MGST1: variants seen among roughly 807,000 people sequenced by gnomAD.
MGST1 encodes the protein microsomal glutathione S-transferase 1.
MGST1 carries 5 observed loss-of-function variants against 8.9 expected under a neutral mutation model. The observed-to-expected ratio is 0.56, with a 90% CI of 0.29 to 1.19. MGST1 has a LOEUF of 1.19. Among genes scored for constraint, MGST1 ranks in the 50% most tolerant of loss-of-function variants. The pLI is 0.08. For missense variants in MGST1, 182 were observed against 187.4 expected, an observed-to-expected ratio of 0.97 and a Z score of 0.17; for synonymous variants, 54 against 67.8, an observed-to-expected ratio of 0.80 and a Z score of 1.00.
intron 3 of MGST1, chr12:16,360,470 T>C (rs539173370): frequency 7.9e-6 from 5 of 631,042 alleles, no homozygotes; most frequent in Non-Finnish European, 9.9e-6. Context: ...TACCAAGATA[T>C]GTGACTTAAA....
At chr12:16,527,858 C>T (rs545945433) in intron 4 of MGST1, among the ~76,000 whole-genome samples, 107 of 152,080 alleles carry the variant, frequency 7.0e-4, no homozygotes, top group Non-Finnish European at 4.3e-4. Flanking sequence ...GAGCAATCAG[C>T]GCATACGCCC....
intron 1 of MGST1, chr12:16,400,355 C>G: frequency 2.4e-6 from 2 of 817,152 alleles, no homozygotes; most frequent in Non-Finnish European, 4.4e-6. Flanking sequence ...TCTCCTCGAA[C>G]AGATATGAAG....
intron 4 of MGST1, among the ~76,000 whole-genome samples, chr12:16,536,712 G>A (rs911518915): frequency 6.6e-6 from 1 of 152,120 alleles, no homozygotes; most frequent in Admixed American, 6.5e-5. Flanking sequence ...AAGAGAAAAT[G>A]AGGAAGATGC....
chr12:16,489,926 T>C (rs928235223), intron 4 of MGST1, among the ~76,000 whole-genome samples: 18 of 152,202 alleles, frequency 1.2e-4, no homozygotes, highest in South Asian at 4.1e-4. Context: ...TGAGTTACTT[T>C]GGTCAAAAAA....
At chr12:16,516,846 A>G (rs1311443700) in intron 4 of MGST1, among the ~76,000 whole-genome samples, 1 of 152,184 alleles carries the variant, frequency 6.6e-6, no homozygotes, top group Non-Finnish European at 1.5e-5. Context: ...TGAGACACTC[A>G]AAGTCTGAGA....
rs530741353 is a variant in MGST1, at chr12:16,498,964, T to C, written n.483-90564T>C. On this transcript the variant is annotated intron_variant and non_coding_transcript_variant, in intron 4 of 4. Coordinates refer to the MGST1 transcript ENST00000538857. ...GGTTATACTAAGATACAAAGGGCCT[T>C]TAGAAAAATGATCAGAGTTGCAATA... 9.8e-5 allele frequency among the ~76,000 whole-genome samples: 15 copies of C among 152,310 alleles called. No homozygotes were observed. In the East Asian group the frequency reaches 2.9e-3, roughly 29 times the overall value.
rs963749837 is a variant in MGST1 at position 16,586,279 on chromosome 12, A to G, written n.483-3249A>G. 6.6e-6 allele frequency among the ~76,000 whole-genome samples: 1 copy of G among 152,226 alleles called. No homozygotes were observed. The highest frequency in any genetic ancestry group is 2.4e-5 in the African/African-American group (1 of 41,468). ...AAGTTGTAATCTCTGGCAAGAACAC[A>G]GAGTGTTAAGATGTCATGATACGAT... is the stretch of plus-strand genomic sequence containing the variant. On this transcript the variant is annotated intron_variant and non_coding_transcript_variant, in intron 4 of 4. Coordinates refer to the MGST1 transcript ENST00000538857. This position sits in a 1 kb window ranked among gnomAD's most constrained non-coding sequence, Gnocchi z 4.3.
At chr12:16,447,676 C>T (rs756050520) in intron 4 of MGST1, among the ~76,000 whole-genome samples, 4 of 151,956 alleles carry the variant, frequency 2.6e-5, no homozygotes, top group Non-Finnish European at 5.9e-5. Context: ...TTCCCAGCAG[C>T]CACTTTCAGC....
rs1479169895 is a variant in MGST1, at chr12:16,547,261, TAA to T, written n.483-42265_483-42264del. ...TAATGGACCAGTTGCAAACAACGAA[TAA>T]AGAGAGGCAGCTTCATTTATAACCG... On this transcript the variant is annotated intron_variant and non_coding_transcript_variant, in intron 4 of 4. Coordinates refer to the MGST1 transcript ENST00000538857. The surrounding 1 kb of genome is among the most constrained non-coding windows in gnomAD (Gnocchi z 4.6). 1.3e-5 allele frequency among the ~76,000 whole-genome samples: 2 copies of T among 152,124 alleles called. No individual in the cohort carries two copies. Among genetic ancestry groups the T allele is most frequent in the South Asian group, 4.1e-4 (2 of 4,832 alleles).
chr12:16,450,288 C>T (rs1340573812), intron 4 of MGST1, among the ~76,000 whole-genome samples: 3 of 151,894 alleles, frequency 2.0e-5, no homozygotes, highest in African/African-American at 7.2e-5. Flanking sequence ...CTACATCTCT[C>T]ATCACATAAA....
intron 4 of MGST1, among the ~76,000 whole-genome samples, chr12:16,522,139 C>T (rs111233017): frequency 2.6e-5 from 4 of 152,044 alleles, no homozygotes; most frequent in Non-Finnish European, 5.9e-5. Context: ...GTGAAGCGCT[C>T]GTACATAGGT....
intron 1 of MGST1, among the ~76,000 whole-genome samples, chr12:16,435,848 C>T (rs187872920): frequency 1.6e-4 from 25 of 152,000 alleles, no homozygotes; most frequent in African/African-American, 6.0e-4. Flanking sequence ...TACTTAGAGA[C>T]ATTATTCAGA....
rs185474069 is a variant in MGST1 at position 16,573,243 on chromosome 12, G to A, written n.483-16285G>A. ...TAAATACTATTTGGGGGTTTAGAGAGAATATTGAATAAGGCAGGTCCAATT... is the reference window on the plus strand; with the variant it reads ...TAAATACTATTTGGGGGTTTAGAGAAAATATTGAATAAGGCAGGTCCAATT... On this transcript the variant is annotated intron_variant and non_coding_transcript_variant, in intron 4 of 4. Transcript: ENST00000538857. Among the ~76,000 whole-genome samples, 1,459 of 152,180 alleles carry A rather than the reference G, an allele frequency of 9.6e-3. 8 individuals carry two copies. The highest frequency in any genetic ancestry group is 0.017 in the Non-Finnish European group (1,143 of 67,998).
intron 4 of MGST1, among the ~76,000 whole-genome samples, chr12:16,484,437 CTGTT>C (rs1941385462): frequency 6.6e-6 from 1 of 152,038 alleles, no homozygotes; most frequent in African/African-American, 2.4e-5. Flanking sequence ...TTTTTACTTT[CTGTT>C]TTAGTCCATT....
In MGST1 at chr12:16,400,771, A is replaced by G. The variant is rs147860997; in HGVS notation, n.778+17167A>G. 830 of 1,268,064 alleles carry G rather than the reference A, an allele frequency of 6.5e-4. 8 individuals are homozygous for G. In the Middle Eastern group the frequency reaches 7.2e-3, roughly 11 times the overall value. 78.6% of individuals were successfully genotyped at this position (1,268,064 alleles called of 1,614,324 possible). A position where few individuals can be genotyped will look rare whatever the true frequency, so the allele number is the denominator to read the frequency against. ...ACATACTTATATTCTTGATTGTGGC[A>G]ATGTGAAAAGGTGTTGCAATGCCAA... On this transcript the variant is annotated intron_variant and non_coding_transcript_variant, in intron 1 of 1. Coordinates refer to the MGST1 transcript ENST00000359720.
intron 4 of MGST1, among the ~76,000 whole-genome samples, chr12:16,463,381 A>G (rs921996526): frequency 1.4e-5 from 2 of 142,168 alleles, no homozygotes; most frequent in Non-Finnish European, 3.0e-5. Context: ...GAGATTGGCA[A>G]TAATTTTTTT....
chr12:16,429,724 GA>G (rs1444307615), intron 1 of MGST1, among the ~76,000 whole-genome samples: 1 of 152,126 alleles, frequency 6.6e-6, no homozygotes, highest in Non-Finnish European at 1.5e-5. Context: ...ATTTCTTGCT[GA>G]AAAATGCTAG....
intron 4 of MGST1, among the ~76,000 whole-genome samples, chr12:16,492,080 A>G (rs1225571068): frequency 6.6e-6 from 1 of 152,204 alleles, no homozygotes; most frequent in Middle Eastern, 3.2e-3. Flanking sequence ...ATAAATATGT[A>G]TGCCAGTGTG....
chr12:16,400,270 A>G (rs1940643019), intron 1 of MGST1: 2 of 815,528 alleles, frequency 2.5e-6, no homozygotes, highest in Admixed American at 3.5e-5. Context: ...GTGAAAATGC[A>G]AGACAATAAT....
Sources: gnomAD v4.1 joint callset for allele counts (sites outside exome capture counted in the v4.1 genomes callset) on GRCh38, gnomAD v4.1.1 for gene constraint, Gnocchi (gnomAD v3.1) non-coding constraint, MANE v1.5 for transcripts, NCBI Gene and HGNC (gene_info 2026-07-23, HGNC 2026-07-21) for gene names.